EHD1: variants seen among roughly 807,000 people sequenced by gnomAD.
The protein encoded by EHD1 is EH domain containing 1.
EHD1 carries 19 observed loss-of-function variants against 39.0 expected under a neutral mutation model. The ratio of observed to expected loss-of-function variants is 0.49; its 90% CI spans 0.34 to 0.72. EHD1 has a LOEUF of 0.72. Among genes scored for constraint, EHD1 ranks in the 30% least tolerant of loss-of-function variants. The pLI is 0.01. For synonymous variants in EHD1, 323 were observed against 331.2 expected, an observed-to-expected ratio of 0.98 and a Z score of 0.27; for missense variants, 542 against 751.5, an observed-to-expected ratio of 0.72 and a Z score of 3.26.
chr11:64,870,198 GAC>G (rs1943813057), intron 2 of EHD1, among the ~76,000 whole-genome samples: 1 of 152,154 alleles, frequency 6.6e-6, no homozygotes, highest in African/African-American at 2.4e-5. Context: ...TCTCAGGAGG[GAC>G]ACACATTACT....
At chr11:64,878,996 C>G (rs1209502954), upstream of EHD1, 2 of 997,720 alleles carry the variant, frequency 2.0e-6, no homozygotes, top group Non-Finnish European at 2.4e-6. Context: ...CAGTCAGGCA[C>G]CCTGGTTCCC....
chr11:64,876,704 CT>C (rs1943888851), intron 1 of EHD1, among the ~76,000 whole-genome samples: 1 of 152,242 alleles, frequency 6.6e-6, no homozygotes, highest in Non-Finnish European at 1.5e-5. Context: ...CCTTCCAGCT[CT>C]GAAACTCTAG....
intron 2 of EHD1, among the ~76,000 whole-genome samples, chr11:64,862,278 T>G (rs1040028851): frequency 6.6e-6 from 1 of 152,200 alleles, no homozygotes; most frequent in East Asian, 1.9e-4. Context: ...TTAAAGTGAA[T>G]TCTGTCGCCT....
At chr11:64,855,030 C>T (rs2007521) in intron 4 of EHD1, 173 bp from the exon 5 acceptor site, 755,802 of 900,368 alleles carry the variant, frequency 0.84, 324,277 homozygotes, top group Non-Finnish European at 0.89. Flanking sequence ...ACAGGAGGCA[C>T]CTCCAGCTCT....
intron 2 of EHD1, among the ~76,000 whole-genome samples, chr11:64,872,475 G>GT (rs1364313598): frequency 6.6e-6 from 1 of 152,102 alleles, no homozygotes; most frequent in Non-Finnish European, 1.5e-5. Context: ...AAATAAAAGA[G>GT]TAACTTAATC....
intron 3 of EHD1, among the ~76,000 whole-genome samples, chr11:64,857,810 A>T (rs7952567): frequency 0.76 from 115,444 of 152,078 alleles, 46,321 homozygotes; most frequent in Non-Finnish European, 0.89. Flanking sequence ...AGATCAGGGG[A>T]CTGTGACCCT....
At chr11:64,864,757 C>T (rs1015494994) in intron 2 of EHD1, among the ~76,000 whole-genome samples, 2 of 152,212 alleles carry the variant, frequency 1.3e-5, no homozygotes, top group East Asian at 1.9e-4. Flanking sequence ...GATGCCAAAA[C>T]CGAGTTCTTG....
rs1484321990 is a variant in EHD1 at position 64,878,366 on chromosome 11, C to T, written c.99G>A (p.Leu33=). The T allele has an allele frequency of 6.2e-7, 1 of 1,613,808 alleles. No individual in the cohort carries two copies. The highest frequency in any genetic ancestry group is 1.3e-5 in the African/African-American group (1 of 74,954). ...AGCGGTAGTGCTCCTCCAGGGGTAG[C>T]AGCTTCTGCGCGTACAGCTGCCGCA... The part of the protein sequence containing the change: ...EGLRQLYAQK[L]LPLEEHYRFH... Residue 33 remains leucine (L), a synonymous_variant, in exon 1 of 5, where the codon CTG becomes CTA. Coordinates refer to ENST00000320631, the MANE Select transcript of EHD1 (RefSeq NM_006795.4).
At position 64,854,233 on chromosome 11, in the gene EHD1, G is replaced by A. The variant is rs1032477936; in HGVS notation, c.*100C>T. 1.2e-4 allele frequency: 179 copies of A among 1,448,874 alleles called. No homozygotes were observed. The highest frequency in any genetic ancestry group is 3.4e-4 in the Admixed American group (13 of 37,850). The allele number at this position is 1,448,874 out of a possible 1,614,324, so 89.8% of individuals were successfully genotyped here. ...CTTTTCGAGAGGCGAGGAAACATCCGCTCAGTCTTTATGGACCTTGAGAAA... is the reference window on the plus strand; with the variant it reads ...CTTTTCGAGAGGCGAGGAAACATCCACTCAGTCTTTATGGACCTTGAGAAA... On this transcript the variant is annotated 3_prime_UTR_variant, in exon 5 of 5. Transcript: ENST00000320631.
chr11:64,879,275 C>T (rs1592757952), upstream of EHD1: 1 of 979,796 alleles, frequency 1.0e-6, no homozygotes, highest in Non-Finnish European at 1.3e-6. Context: ...CTGACCTCCC[C>T]TCAGGCCGAC....
intron 2 of EHD1, among the ~76,000 whole-genome samples, chr11:64,865,362 G>C (rs1240502896): frequency 1.3e-5 from 2 of 152,268 alleles, no homozygotes; most frequent in African/African-American, 4.8e-5. Flanking sequence ...CTCTAGATCA[G>C]AGCTGGACGG....
At chr11:64,877,324 G>A (rs760655076) in intron 1 of EHD1, among the ~76,000 whole-genome samples, 1 of 152,180 alleles carries the variant, frequency 6.6e-6, no homozygotes, top group Non-Finnish European at 1.5e-5. Flanking sequence ...GGAAAAGTGA[G>A]GTCCAAGTGG....
At chr11:64,874,197 A>G (rs1297353376) in intron 2 of EHD1, among the ~76,000 whole-genome samples, 3 of 149,816 alleles carry the variant, frequency 2.0e-5, no homozygotes, top group African/African-American at 7.3e-5. Context: ...CCAGCTACTC[A>G]GGAGGCTGAG....
At chr11:64,855,179 T>G in intron 4 of EHD1, 143 bp downstream of exon 4, 1 of 1,268,668 alleles carries the variant, frequency 7.9e-7, no homozygotes, top group Non-Finnish European at 1.1e-6. Context: ...CTGAGTTGGG[T>G]GGGGTGCTGG....
At chr11:64,862,937 C>T (rs1023604779) in intron 2 of EHD1, among the ~76,000 whole-genome samples, 1 of 152,208 alleles carries the variant, frequency 6.6e-6, no homozygotes, top group African/African-American at 2.4e-5. Flanking sequence ...TCTGTCCCTC[C>T]CGGTCTAGGA....
chr11:64,860,272 G>A lies in EHD1; in HGVS notation c.567C>T (p.Phe189=), dbSNP rs764227474. Residue 189 remains phenylalanine, a synonymous_variant, in exon 3 of 5, where the codon TTC becomes TTT. Transcript: ENST00000320631. ...AERVDRIILL[F]DAHKLDISDE... The stretch of plus-strand genomic sequence containing the variant: ...CGGAGATGTCCAGCTTGTGGGCGTC[G>A]AAGAGCAGGATGATGCGGTCCACAC... The A allele has an allele frequency of 6.8e-6, 11 of 1,614,018 alleles. No homozygotes were observed. The highest frequency in any genetic ancestry group is 2.2e-5 in the South Asian group (2 of 91,078).
upstream of EHD1, chr11:64,878,792 CA>C: frequency 1.6e-6 from 2 of 1,217,850 alleles, no homozygotes; most frequent in Non-Finnish European, 2.0e-6. Flanking sequence ...TGGCTGATTC[CA>C]AATCTCGCGA....
chr11:64,878,722 G>A, upstream of EHD1: 1 of 1,336,286 alleles, frequency 7.5e-7, no homozygotes. Flanking sequence ...CGGTAGGGAG[G>A]AGCCCCTCCC....
Position 64,857,172 on chromosome 11 carries a change from C to T in EHD1, c.916-1686G>A, listed in dbSNP as rs535334214. ...GGGCGCGGTGGCTCACGCCTGTAAT[C>T]CCAGCATTTTGGGAGGCCGAGGCAG... On this transcript the variant is annotated intron_variant, in intron 3 of 4. Transcript: ENST00000320631. Among the ~76,000 whole-genome samples the T allele has an allele frequency of 1.8e-4, 27 of 152,322 alleles. No homozygotes were observed. In the East Asian group the frequency reaches 5.2e-3, roughly 29 times the overall value.
Sources: gnomAD v4.1 joint callset for allele counts (sites outside exome capture counted in the v4.1 genomes callset) on GRCh38, gnomAD v4.1.1 for gene constraint, MANE v1.5 for transcripts, NCBI Gene and HGNC (gene_info 2026-07-23, HGNC 2026-07-21) for gene names.